Variants in PDHA1 observed in about 807,000 individuals in gnomAD.
The protein encoded by PDHA1 is pyruvate dehydrogenase E1 component subunit alpha, somatic form, mitochondrial.
Under a neutral mutation model 33.0 loss-of-function variants are expected in PDHA1, and 1 was observed. The ratio of observed to expected loss-of-function variants is 0.03; its 90% CI spans 0.01 to 0.14. The LOEUF (loss-of-function observed/expected upper bound fraction) is 0.14, where lower values mean the gene tolerates loss of function less well. Among genes scored for constraint, PDHA1 ranks in the 10% least tolerant of loss-of-function variants. The probability of loss-of-function intolerance (pLI) is 1.00; values close to 1 mark genes in which losing one functional copy is unlikely to be tolerated. For missense variants in PDHA1, 168 were observed against 325.1 expected, an observed-to-expected ratio of 0.52 and a Z score of 3.72; for synonymous variants, 123 against 119.2, an observed-to-expected ratio of 1.03 and a Z score of -0.21.
At position 19,361,076 on chromosome X, in the gene PDHA1, C is replaced by T. The variant is rs925469441; in HGVS notation, c.*1423C>T. 9.6e-6 allele frequency: 4 copies of T among 415,309 alleles called. No individual in the cohort carries two copies. Among genetic ancestry groups the T allele is most frequent in the East Asian group, 8.0e-5 (2 of 25,144 alleles). 34.2% of individuals were successfully genotyped at this position (415,309 alleles called of 1,213,427 possible). Reference sequence around the variant, plus strand: ...AGTTTAAAGAAGGGGGTGGGTCCAGCGTGCAGGCACGCTTGCCATGTGCCT... The same window carrying T: ...AGTTTAAAGAAGGGGGTGGGTCCAGTGTGCAGGCACGCTTGCCATGTGCCT... On this transcript the variant is annotated 3_prime_UTR_variant, in exon 11 of 11. Coordinates refer to ENST00000422285, the MANE Select transcript of PDHA1 (RefSeq NM_000284.4).
In PDHA1 at chrX:19,350,073, A is replaced by G; in HGVS notation, c.254A>G (p.Lys85Arg). 1 of 1,207,693 alleles carries G rather than the reference A, an allele frequency of 8.3e-7. No homozygotes were observed. The highest frequency in any genetic ancestry group is 1.1e-6 in the Non-Finnish European group (1 of 892,054). The change falls in exon 3 of 11, where the codon AAA becomes AGA. Residue 85 changes from lysine to arginine, a missense_variant. Around this residue, in one of 5 missense-constraint regions of PDHA1, gnomAD observed 35 missense variants for 148.5 expected, o/e 0.24. Coordinates refer to ENST00000422285, the MANE Select transcript of PDHA1 (RefSeq NM_000284.4). ...AAAGCAGATCAGCTGTATAAACAGA[A>G]AATTATTCGTGGTTTCTGTCACTTG... ...ELKADQLYKQKIIRGFCHLCD... is the reference protein window; with the variant it reads ...ELKADQLYKQRIIRGFCHLCD...
intron 5 of PDHA1, 194 bp downstream of exon 5, chrX:19,353,367 T>C (rs2063175357): frequency 2.1e-6 from 1 of 474,426 alleles, no homozygotes; most frequent in Admixed American, 3.1e-5. Context: ...TGTCGCCTAG[T>C]GATGTTGTAG....
intron 1 of PDHA1, among the ~76,000 whole-genome samples, 198 bp downstream of exon 1, chrX:19,344,292 C>G (rs1459711284): frequency 8.8e-6 from 1 of 113,025 alleles, no homozygotes; most frequent in African/African-American, 3.2e-5. Flanking sequence ...ACGCCAAGGT[C>G]CGTGTGAACT....
At chrX:19,355,183 TCCACCACCCACCCC>T in intron 6 of PDHA1, 152 bp from the exon 7 acceptor site, 1 of 562,253 alleles carries the variant, frequency 1.8e-6, no homozygotes, top group South Asian at 2.5e-5. Context: ...CTACTTCTCC[TCCACCACCCACCCC>T]GCTTTCCCTC....
chrX:19,352,767 G>A (rs1339098449), intron 4 of PDHA1: 4 of 337,086 alleles, frequency 1.2e-5, no homozygotes, highest in Non-Finnish European at 2.1e-5. Flanking sequence ...TATATTTAGT[G>A]TACTAGTATA....
intron 4 of PDHA1, among the ~76,000 whole-genome samples, chrX:19,352,096 T>C (rs2063167213): frequency 9.1e-6 from 1 of 110,471 alleles, no homozygotes; most frequent in African/African-American, 3.3e-5. Context: ...CCACCGCACC[T>C]GGCCTGTTTT....
In PDHA1 at chrX:19,349,989, C is replaced by G. The variant is rs149083818; in HGVS notation, c.170C>G (p.Thr57Ser). The change falls in exon 3 of 11, where the codon ACC becomes AGC. Residue 57 changes from threonine to serine, a missense_variant. By Grantham distance (58) the Thr-to-Ser change is moderately conservative. Transcript: ENST00000422285. ...GGCCCTCCTGTCACAACAGTGCTCA[C>G]CAGGGAGGATGGGCTCAAATACTAC... ...EEGPPVTTVL[T>S]REDGLKYYRM... 3.3e-6 allele frequency: 4 copies of G among 1,204,807 alleles called. No homozygotes were observed. Among genetic ancestry groups the G allele is most frequent in the Non-Finnish European group, 4.5e-6 (4 of 889,078 alleles).
At chrX:19,345,769 G>C in intron 1 of PDHA1, 1 of 273,371 alleles carries the variant, frequency 3.7e-6, no homozygotes, top group Non-Finnish European at 6.9e-6. Flanking sequence ...CCACCTTACA[G>C]TAGGAAGAAA....
At chrX:19,356,906 G>A (rs1423941072) in intron 8 of PDHA1, among the ~76,000 whole-genome samples, 5 of 112,070 alleles carry the variant, frequency 4.5e-5, no homozygotes, top group Admixed American at 9.5e-5. Context: ...GTTCAGAGCC[G>A]TCTCCTGGAA....
At chrX:19,346,412 C>T (rs2063134279) in intron 1 of PDHA1, 4 of 328,862 alleles carry the variant, frequency 1.2e-5, no homozygotes, top group Non-Finnish European at 2.2e-5. Flanking sequence ...GCCTGCTGGG[C>T]TCAAGCGATC....
chrX:19,353,672 G>C (rs1440495951), intron 5 of PDHA1, among the ~76,000 whole-genome samples: 1 of 111,954 alleles, frequency 8.9e-6, no homozygotes, highest in African/African-American at 3.2e-5. Context: ...TACCGTTTGA[G>C]AGATGAGTAG....
intron 2 of PDHA1, 46 bp downstream of exon 2, chrX:19,349,417 C>A: frequency 1.4e-6 from 1 of 735,984 alleles, no homozygotes; most frequent in Non-Finnish European, 2.2e-6. Flanking sequence ...CAGGTACACT[C>A]TGATATACAG....
chrX:19,349,083 G>A (rs1392875443), intron 1 of PDHA1, among the ~76,000 whole-genome samples: 5 of 111,731 alleles, frequency 4.5e-5, no homozygotes, highest in Non-Finnish European at 9.4e-5. Context: ...CCCTCTTTGC[G>A]CTGCTTGCCT....
In PDHA1 at chrX:19,353,458, G is replaced by C; in HGVS notation, c.510+285G>C. ...ATTCAGTAGAGTCACATGCTGTGCA[G>C]GGTTGTAGCCTAGGAGCAGTAGGCT... On this transcript the variant is annotated intron_variant, in intron 5 of 10. Transcript: ENST00000422285. 9 of 384,810 alleles carry C rather than the reference G, an allele frequency of 2.3e-5. 1 individual carries two copies. The South Asian group carries it at 2.7e-4, about 12-fold the overall frequency. 31.7% of individuals were successfully genotyped at this position (384,810 alleles called of 1,213,427 possible).
At chrX:19,346,177 ACTC>A (rs1332274336) in intron 1 of PDHA1, among the ~76,000 whole-genome samples, 1 of 111,685 alleles carries the variant, frequency 9.0e-6, no homozygotes, top group African/African-American at 3.3e-5. Context: ...ACTGCACTAG[ACTC>A]CTACCATCTG....
At position 19,360,714 on chromosome X, in the gene PDHA1, G is replaced by T. The variant is rs760828301; in HGVS notation, c.*1061G>T. ...GAAGCTTTAACAAAACATGTAGCGTGGTGGGACACTCTGCCACAGCTTAGC... is the reference window on the plus strand; with the variant it reads ...GAAGCTTTAACAAAACATGTAGCGTTGTGGGACACTCTGCCACAGCTTAGC... On this transcript the variant is annotated 3_prime_UTR_variant, in exon 11 of 11. Transcript: ENST00000422285. 1 of 1,065,699 alleles carries T rather than the reference G, an allele frequency of 9.4e-7. No homozygotes were observed. The highest frequency in any genetic ancestry group is 1.3e-6 in the Non-Finnish European group (1 of 765,492). The allele number at this position is 1,065,699 out of a possible 1,213,427, so 87.8% of individuals were successfully genotyped here. A position where few individuals can be genotyped will look rare whatever the true frequency, so the allele number is the denominator to read the frequency against.
chrX:19,345,453 C>G (rs2063124523), intron 1 of PDHA1, among the ~76,000 whole-genome samples: 1 of 107,969 alleles, frequency 9.3e-6, no homozygotes, highest in South Asian at 4.1e-4. Flanking sequence ...TCCTGTAATC[C>G]CAGCTACTCG....
chrX:19,344,739 G>A (rs1463065715), intron 1 of PDHA1, among the ~76,000 whole-genome samples: 1 of 112,944 alleles, frequency 8.9e-6, no homozygotes, highest in Non-Finnish European at 1.9e-5. Context: ...AGTGACACGT[G>A]TGGAAACGAT....
chrX:19,353,293 G>A (rs2063174903), intron 5 of PDHA1, 120 bp downstream of exon 5: 8 of 582,846 alleles, frequency 1.4e-5, no homozygotes, highest in Admixed American at 2.5e-5. Context: ...GCACAGTGAC[G>A]CTTTGGTCAA....
Sources: allele counts gnomAD v4.1 joint callset (sites outside exome capture counted in the v4.1 genomes callset), GRCh38; gene constraint gnomAD v4.1.1; regional missense constraint gnomAD v4.1.1; transcripts MANE v1.5; gene names NCBI Gene and HGNC (gene_info 2026-07-23, HGNC 2026-07-21).